DCAF17: variants seen among roughly 807,000 people sequenced by gnomAD.
DCAF17 encodes the protein DDB1- and CUL4-associated factor 17.
DCAF17 carries 48 observed loss-of-function variants against 66.0 expected under a neutral mutation model. That is an observed-to-expected ratio of 0.73 (90% CI 0.58 to 0.92). The LOEUF is 0.92. Among genes scored for constraint, DCAF17 ranks in the 40% least tolerant of loss-of-function variants. DCAF17 has a pLI of 0.00. For synonymous variants in DCAF17, 206 were observed against 214.6 expected, an observed-to-expected ratio of 0.96 and a Z score of 0.35; for missense variants, 562 against 622.8, an observed-to-expected ratio of 0.90 and a Z score of 1.04.
chr2:171,465,488 A>G (rs1285141955), intron 8 of DCAF17, among the ~76,000 whole-genome samples: 4 of 151,788 alleles, frequency 2.6e-5, no homozygotes, highest in African/African-American at 4.8e-5. Flanking sequence ...ACTCTTGGAA[A>G]TTTCTTTTCT....
intron 3 of DCAF17, among the ~76,000 whole-genome samples, chr2:171,445,413 C>G (rs1260368626): frequency 1.3e-5 from 2 of 152,158 alleles, no homozygotes; most frequent in Admixed American, 6.5e-5. Context: ...GCATAAGCCA[C>G]CATGCCCGGT....
intron 3 of DCAF17, among the ~76,000 whole-genome samples, chr2:171,447,045 A>G (rs10445762): frequency 0.13 from 19,436 of 152,158 alleles, 1,588 homozygotes; most frequent in Middle Eastern, 0.22. Context: ...ATTTCTGACC[A>G]AATTAAGGAA....
chr2:171,458,817 G>A (rs1003913856), intron 8 of DCAF17, among the ~76,000 whole-genome samples: 7 of 152,042 alleles, frequency 4.6e-5, no homozygotes, highest in African/African-American at 1.7e-4. Context: ...TTTACAATTC[G>A]ATGAAATTTA....
At chr2:171,447,131 G>T (rs1229040212) in intron 3 of DCAF17, among the ~76,000 whole-genome samples, 2 of 151,066 alleles carry the variant, frequency 1.3e-5, no homozygotes, top group Non-Finnish European at 2.9e-5. Context: ...ATAATTGTGA[G>T]TTTTTTGTAT....
intron 6 of DCAF17, among the ~76,000 whole-genome samples, 179 bp downstream of exon 6, chr2:171,453,392 T>C (rs1695066978): frequency 6.6e-6 from 1 of 152,202 alleles, no homozygotes; most frequent in Non-Finnish European, 1.5e-5. Context: ...CCTTCATCTT[T>C]CTGCATGTTT....
intron 2 of DCAF17, among the ~76,000 whole-genome samples, chr2:171,441,992 A>G (rs1694331145): frequency 6.6e-6 from 1 of 152,190 alleles, no homozygotes; most frequent in Non-Finnish European, 1.5e-5. Flanking sequence ...TTTAATGTCA[A>G]GTTTATAACT....
At position 171,453,704 on chromosome 2, in the gene DCAF17, C is replaced by T. The variant is rs79122560; in HGVS notation, c.627+491C>T. Reference sequence around the variant, plus strand: ...TTGTTCTTGACTTGTGGAGCAGTTACATGGGAGGAAAGAAGGAGCAAATTT... The same window carrying T: ...TTGTTCTTGACTTGTGGAGCAGTTATATGGGAGGAAAGAAGGAGCAAATTT... On this transcript the variant is annotated intron_variant, in intron 6 of 13. Coordinates refer to ENST00000375255, the MANE Select transcript of DCAF17 (RefSeq NM_025000.4). 7.0e-4 allele frequency among the ~76,000 whole-genome samples: 106 copies of T among 151,994 alleles called. No homozygotes were observed. In the East Asian group the frequency reaches 0.019, roughly 27 times the overall value.
intron 8 of DCAF17, among the ~76,000 whole-genome samples, chr2:171,463,458 T>C (rs1057358139): frequency 6.6e-6 from 1 of 152,166 alleles, no homozygotes; most frequent in African/African-American, 2.4e-5. Flanking sequence ...ACATAAAAAC[T>C]TGATAAATCG....
intron 2 of DCAF17, among the ~76,000 whole-genome samples, chr2:171,439,339 C>G (rs1694154841): frequency 6.6e-6 from 1 of 151,592 alleles, no homozygotes; most frequent in Non-Finnish European, 1.5e-5. Context: ...ATATTCTGTT[C>G]TACTTTTTCT....
At position 171,473,100 on chromosome 2, in the gene DCAF17, T is replaced by A. The variant is rs117983003; in HGVS notation, c.982-766T>A. On this transcript the variant is annotated intron_variant, in intron 9 of 13. Transcript: ENST00000375255. ...TTCCTCAGATATTAGAGTTCAACAT[T>A]TGACTTATCCAAGATTCTGTGACCC... The A allele has an allele frequency of 1.1e-3, 180 of 161,470 alleles. 1 individual carries two copies. In the East Asian group the frequency reaches 0.031, roughly 28 times the overall value. 10.0% of individuals were successfully genotyped at this position (161,470 alleles called of 1,614,324 possible).
At chr2:171,479,087 A>G (rs941119137) in intron 12 of DCAF17, among the ~76,000 whole-genome samples, 2 of 152,240 alleles carry the variant, frequency 1.3e-5, no homozygotes, top group African/African-American at 2.4e-5. Flanking sequence ...AAGTTTGACC[A>G]TAGTAAGGTG....
At chr2:171,435,304 C>A in intron 2 of DCAF17, 118 bp downstream of exon 2, 1 of 766,910 alleles carries the variant, frequency 1.3e-6, no homozygotes, top group Non-Finnish European at 2.3e-6. Flanking sequence ...AAAATGGGTC[C>A]GAAATAAGAC....
In DCAF17 at chr2:171,482,956, T is replaced by C; in HGVS notation, c.*1842T>C. 2.2e-6 allele frequency: 1 copy of C among 453,710 alleles called. No homozygotes were observed. The highest frequency in any genetic ancestry group is 4.4e-6 in the Non-Finnish European group (1 of 226,698). 28.1% of individuals were successfully genotyped at this position (453,710 alleles called of 1,614,324 possible). ...ACCTCATGTGAAAGACAGTAAGGAG[T>C]TGTGGGCAGTGTAACAAACAGGAGA... On this transcript the variant is annotated 3_prime_UTR_variant, in exon 14 of 14. Coordinates refer to ENST00000375255, the MANE Select transcript of DCAF17 (RefSeq NM_025000.4).
At chr2:171,442,530 C>T (rs1445056348) in intron 2 of DCAF17, among the ~76,000 whole-genome samples, 1 of 142,284 alleles carries the variant, frequency 7.0e-6, no homozygotes, top group African/African-American at 2.6e-5. Flanking sequence ...TGCCATTGCT[C>T]TCCAGCCTGG....
chr2:171,453,767 A>G (rs1695088956), intron 6 of DCAF17, among the ~76,000 whole-genome samples: 1 of 152,202 alleles, frequency 6.6e-6, no homozygotes, highest in Non-Finnish European at 1.5e-5. Flanking sequence ...CTACTTTAAA[A>G]AAAAAAGTTA....
At position 171,482,309 on chromosome 2, in the gene DCAF17, T is replaced by C. The variant is rs1377093190; in HGVS notation, c.*1195T>C. 4.4e-5 allele frequency: 20 copies of C among 453,824 alleles called. 1 individual carries two copies. In the Admixed American group the frequency reaches 4.5e-4, roughly 10 times the overall value. The allele number at this position is 453,824 out of a possible 1,614,324, so 28.1% of individuals were successfully genotyped here. Reference sequence around the variant, plus strand: ...GCAACAATCATTGCTGATTCAAGTTTAAGGTTAAAATATGGAATTTTTAGC... The same window carrying C: ...GCAACAATCATTGCTGATTCAAGTTCAAGGTTAAAATATGGAATTTTTAGC... On this transcript the variant is annotated 3_prime_UTR_variant, in exon 14 of 14. Transcript: ENST00000375255.
chr2:171,481,303 A>G lies in DCAF17; in HGVS notation c.*189A>G, dbSNP rs764928097. On this transcript the variant is annotated 3_prime_UTR_variant, in exon 14 of 14. Transcript: ENST00000375255. ...AGATGGTGAGGACTTCATTTTTTTT[A>G]AAGGTTTTTTAGAATACTGTTCCAA... 4 of 735,922 alleles carry G rather than the reference A, an allele frequency of 5.4e-6. No homozygotes were observed. The highest frequency in any genetic ancestry group is 9.4e-6 in the Non-Finnish European group (4 of 425,888). 45.6% of individuals were successfully genotyped at this position (735,922 alleles called of 1,614,324 possible).
intron 2 of DCAF17, among the ~76,000 whole-genome samples, chr2:171,438,780 A>G (rs1694116064): frequency 6.6e-6 from 1 of 151,916 alleles, no homozygotes; most frequent in African/African-American, 2.4e-5. Flanking sequence ...TGTGTCTCCC[A>G]GGCTGGAGTG....
intron 13 of DCAF17, 145 bp downstream of exon 13, chr2:171,480,338 A>G: frequency 3.0e-6 from 3 of 996,348 alleles, no homozygotes; most frequent in Non-Finnish European, 4.5e-6. Flanking sequence ...TATACAGGAC[A>G]AAAGAGTACT....
Sources: gnomAD v4.1 joint callset for allele counts (sites outside exome capture counted in the v4.1 genomes callset) on GRCh38, gnomAD v4.1.1 for gene constraint, MANE v1.5 for transcripts, NCBI Gene and HGNC (gene_info 2026-07-23, HGNC 2026-07-21) for gene names.